Variants in GFOD1 observed in about 807,000 individuals in gnomAD.
The protein encoded by GFOD1 is glucose-fructose oxidoreductase domain-containing protein 1.
GFOD1 carries 9 observed loss-of-function variants against 25.4 expected under a neutral mutation model. The observed-to-expected ratio is 0.35, with a 90% CI of 0.21 to 0.62. The LOEUF (loss-of-function observed/expected upper bound fraction) is 0.62, where lower values mean the gene tolerates loss of function less well. Among genes scored for constraint, GFOD1 ranks in the 20% least tolerant of loss-of-function variants. The pLI is 0.72. For synonymous variants in GFOD1, 253 were observed against 245.6 expected (o/e 1.03, Z -0.28); for missense variants, 403 against 556.9 (o/e 0.72, Z 2.78).
In GFOD1 at chr6:13,365,261, C is replaced by A; in HGVS notation, c.655G>T (p.Asp219Tyr). Residue 219 changes from aspartate (D) to tyrosine (Y), a missense_variant, in exon 2 of 2, where the codon GAC (aspartate) becomes TAC (tyrosine). Coordinates refer to ENST00000379287, the MANE Select transcript of GFOD1 (RefSeq NM_018988.4). This position sits in a 1 kb window ranked among gnomAD's most constrained non-coding sequence, Gnocchi z 9.2. ...IKGIRQITSD[D>Y]FCTFQMVLEG... ...AGCACCATCTGGAAGGTGCAGAAGTCATCGCTGGTGATCTGTCGGATGCCC... is the reference window on the plus strand; with the variant it reads ...AGCACCATCTGGAAGGTGCAGAAGTAATCGCTGGTGATCTGTCGGATGCCC... 6.2e-7 allele frequency: 1 copy of A among 1,614,208 alleles called. No individual in the cohort carries two copies. Among genetic ancestry groups the A allele is most frequent in the South Asian group, 1.1e-5 (1 of 91,082 alleles).
intron 1 of GFOD1, among the ~76,000 whole-genome samples, chr6:13,458,105 T>G (rs942277345): frequency 2.0e-5 from 3 of 151,870 alleles, no homozygotes; most frequent in Non-Finnish European, 2.9e-5. Context: ...TTATACAATT[T>G]TTGTTGTTGT....
intron 1 of GFOD1, among the ~76,000 whole-genome samples, chr6:13,417,255 G>A (rs759193088): frequency 1.3e-5 from 2 of 152,164 alleles, no homozygotes; most frequent in East Asian, 1.9e-4. Context: ...CCGGGTTCAC[G>A]CTATTCTCCT....
chr6:13,391,664 A>C (rs1236791039), intron 1 of GFOD1, among the ~76,000 whole-genome samples: 1 of 152,228 alleles, frequency 6.6e-6, no homozygotes, highest in Non-Finnish European at 1.5e-5. Flanking sequence ...TTGGGAAAGG[A>C]TGCCAGCAGG....
At chr6:13,454,560 G>T (rs1422604647) in intron 1 of GFOD1, among the ~76,000 whole-genome samples, 1 of 152,090 alleles carries the variant, frequency 6.6e-6, no homozygotes, top group Non-Finnish European at 1.5e-5. Context: ...AAAGAAAAAA[G>T]GAAACTAGAA....
At chr6:13,445,712 G>T (rs956613796) in intron 1 of GFOD1, among the ~76,000 whole-genome samples, 1 of 152,218 alleles carries the variant, frequency 6.6e-6, no homozygotes, top group African/African-American at 2.4e-5. Flanking sequence ...CAAGAGGTTT[G>T]CTCTAAAACA....
intron 1 of GFOD1, among the ~76,000 whole-genome samples, chr6:13,480,041 A>C (rs1414295276): frequency 6.6e-6 from 1 of 152,120 alleles, no homozygotes; most frequent in Non-Finnish European, 1.5e-5. Flanking sequence ...ATCCTCTCTC[A>C]ACCCCATTTC....
intron 1 of GFOD1, among the ~76,000 whole-genome samples, chr6:13,397,457 A>C (rs1271830962): frequency 5.9e-5 from 9 of 152,204 alleles, no homozygotes. Context: ...TTCACTTTTC[A>C]CTTCCTCTTT....
chr6:13,367,401 G>A (rs534971), intron 1 of GFOD1, among the ~76,000 whole-genome samples: 2,161 of 152,244 alleles, frequency 0.014, 62 homozygotes, highest in African/African-American at 0.049. Context: ...TTCGTTTAAC[G>A]TTTTTCTTTT....
chr6:13,417,572 CCTAGTG>C (rs1283785088), intron 1 of GFOD1, among the ~76,000 whole-genome samples: 5 of 152,194 alleles, frequency 3.3e-5, no homozygotes, highest in Admixed American at 3.3e-4. Flanking sequence ...GACCCAAAGT[CCTAGTG>C]CTATTTAGCA....
rs758980110 is a variant in GFOD1 at position 13,365,163 on chromosome 6, C to T, written c.753G>A (p.Val251=). The T allele has an allele frequency of 1.2e-6, 2 of 1,613,806 alleles. No homozygotes were observed. The change falls in exon 2 of 2, where the codon GTG becomes GTA. Residue 251 remains valine (V), a synonymous_variant. Transcript: ENST00000379287. The surrounding 1 kb of genome is among the most constrained non-coding windows in gnomAD (Gnocchi z 9.2). ...CCAGCAGGCGCCCGGCTGAGCCCAC[C>T]ACAGTGACATCCTGCTTGAACTCGC... ...VPGEFKQDVT[V]VGSAGRLLAV...
chr6:13,481,083 T>A (rs1378292515), intron 1 of GFOD1, among the ~76,000 whole-genome samples: 1 of 152,150 alleles, frequency 6.6e-6, no homozygotes, highest in East Asian at 1.9e-4. Flanking sequence ...ATAACTCACA[T>A]TCTAGCTGGG....
intron 1 of GFOD1, among the ~76,000 whole-genome samples, chr6:13,395,994 A>G (rs1785721830): frequency 6.6e-6 from 1 of 152,246 alleles, no homozygotes; most frequent in Admixed American, 6.5e-5. Context: ...ATTGTATGTC[A>G]CTATCATCTG....
At chr6:13,483,955 T>C (rs1421793744) in intron 1 of GFOD1, among the ~76,000 whole-genome samples, 2 of 152,210 alleles carry the variant, frequency 1.3e-5, no homozygotes, top group Non-Finnish European at 2.9e-5. Flanking sequence ...CTGCCTGGCA[T>C]ACAGTATGTA....
chr6:13,415,828 A>G (rs1261930533), intron 1 of GFOD1, among the ~76,000 whole-genome samples: 1 of 152,188 alleles, frequency 6.6e-6, no homozygotes, highest in Non-Finnish European at 1.5e-5. Context: ...ACTGGTGTCT[A>G]GTTTTCTATT....
intron 1 of GFOD1, among the ~76,000 whole-genome samples, chr6:13,463,604 T>C: frequency 6.6e-6 from 1 of 152,176 alleles, no homozygotes; most frequent in Admixed American, 6.5e-5. Flanking sequence ...TGAAATCAGT[T>C]CAGTGGGTCA....
chr6:13,426,756 G>A (rs1017349637), intron 1 of GFOD1, among the ~76,000 whole-genome samples: 6 of 152,184 alleles, frequency 3.9e-5, no homozygotes, highest in African/African-American at 9.7e-5. Flanking sequence ...GAGCAGAAGC[G>A]GGGCTAACAA....
chr6:13,402,012 AAT>A (rs1252866270), intron 1 of GFOD1, among the ~76,000 whole-genome samples: 3 of 152,190 alleles, frequency 2.0e-5, no homozygotes, highest in African/African-American at 7.2e-5. Flanking sequence ...GAGAAGAATT[AAT>A]TAAGAGTTCA....
intron 1 of GFOD1, among the ~76,000 whole-genome samples, chr6:13,421,134 G>C (rs1414489018): frequency 6.6e-6 from 1 of 152,062 alleles, no homozygotes; most frequent in African/African-American, 2.4e-5. Flanking sequence ...TTATATGATG[G>C]ATATTTTTGA....
At chr6:13,390,307 G>C (rs1785561936) in intron 1 of GFOD1, among the ~76,000 whole-genome samples, 1 of 152,108 alleles carries the variant, frequency 6.6e-6, no homozygotes, top group Non-Finnish European at 1.5e-5. Context: ...ATATAAAACA[G>C]GGGCTGGGCA....
Sources: allele counts gnomAD v4.1 joint callset (sites outside exome capture counted in the v4.1 genomes callset), GRCh38; gene constraint gnomAD v4.1.1; non-coding constraint Gnocchi (gnomAD v3.1); transcripts MANE v1.5; gene names NCBI Gene and HGNC (gene_info 2026-07-23, HGNC 2026-07-21).